The following SLC36A4 variants were observed in gnomAD, a reference collection of about 807,000 sequenced individuals.
SLC36A4 encodes solute carrier family 36 member 4, also known as neutral amino acid uniporter 4.
SLC36A4 carries 49 observed loss-of-function variants against 50.5 expected under a neutral mutation model. The observed-to-expected ratio is 0.97, with a 90% confidence interval of 0.77 to 1.23. The LOEUF (loss-of-function observed/expected upper bound fraction) is 1.23, where lower values mean the gene tolerates loss of function less well. Among genes scored for constraint, SLC36A4 ranks in the 50% most tolerant of loss-of-function variants. The pLI, the probability that SLC36A4 is intolerant of heterozygous loss-of-function variation, is 0.00. For synonymous variants in SLC36A4, 207 were observed against 206.5 expected, an observed-to-expected ratio of 1.00 and a Z score of -0.02; for missense variants, 611 against 608.4, an observed-to-expected ratio of 1.00 and a Z score of -0.05.
rs1590923154 is a variant in SLC36A4, at chr11:93,148,193, T to A, written c.*344A>T. The A allele has an allele frequency of 5.2e-6, 1 of 192,780 alleles. No homozygotes were observed. The allele number at this position is 192,780 out of a possible 1,614,324, so 11.9% of individuals were successfully genotyped here. ...GTTGAAATCCTATTCTGTTCTCAAG[T>A]GAGTGGCAAAAGAGTAGCATAAAAG... On this transcript the variant is annotated 3_prime_UTR_variant, in exon 11 of 11. Transcript: ENST00000326402.
intron 7 of SLC36A4, 103 bp downstream of exon 7, chr11:93,167,841 T>C: frequency 1.5e-6 from 1 of 687,190 alleles, no homozygotes; most frequent in Non-Finnish European, 2.5e-6. Flanking sequence ...GTGCCACATA[T>C]GAAGTAGGGG....
intron 1 of SLC36A4, among the ~76,000 whole-genome samples, chr11:93,194,558 A>G (rs1320818306): frequency 6.6e-6 from 1 of 152,212 alleles, no homozygotes; most frequent in Non-Finnish European, 1.5e-5. Flanking sequence ...TGCTTTTTAC[A>G]TAAATACCCA....
intron 9 of SLC36A4, among the ~76,000 whole-genome samples, chr11:93,158,799 TGAA>T (rs1244726067): frequency 6.6e-6 from 1 of 152,072 alleles, no homozygotes; most frequent in Admixed American, 6.6e-5. Flanking sequence ...GTTTTAGAAA[TGAA>T]GAACATTGAA....
In SLC36A4 at chr11:93,185,689, A is replaced by G; in HGVS notation, c.179+2T>C. The G allele has an allele frequency of 6.3e-7, 1 of 1,582,170 alleles. No individual in the cohort carries two copies. ...AGGAGACTTATAAACCATAACACTT[A>G]CGAAATGCCCTCTTGATCATCAAGT... On this transcript the variant is annotated splice_donor_variant, in intron 2 of 10. Transcript: ENST00000326402. LOFTEE classifies it high-confidence loss of function.
At chr11:93,161,027 T>A (rs769520521) in intron 9 of SLC36A4, among the ~76,000 whole-genome samples, 1 of 150,618 alleles carries the variant, frequency 6.6e-6, no homozygotes, top group African/African-American at 2.4e-5. Context: ...CTGTGTAGAT[T>A]TGGAGTTTCA....
At chr11:93,175,346 T>C (rs1221943947) in intron 6 of SLC36A4, among the ~76,000 whole-genome samples, 1 of 151,180 alleles carries the variant, frequency 6.6e-6, no homozygotes, top group African/African-American at 2.4e-5. Context: ...CTTTTTTTCT[T>C]TATTAGTCTT....
intron 10 of SLC36A4, among the ~76,000 whole-genome samples, chr11:93,150,566 G>C (rs1209285994): frequency 6.6e-6 from 1 of 151,932 alleles, no homozygotes; most frequent in Non-Finnish European, 1.5e-5. Context: ...TACATCTATA[G>C]GGCTGAAGTG....
rs188525817 is a variant in SLC36A4 at position 93,174,803 on chromosome 11, T to C, written c.540+5994A>G. On this transcript the variant is annotated intron_variant, in intron 6 of 10. Transcript: ENST00000326402. The stretch of plus-strand genomic sequence containing the variant: ...TTGCATCCCAGGGTTGAAGCCCACT[T>C]GATCATGGTCGATAAGCTTTTTGAT... 7.2e-3 allele frequency among the ~76,000 whole-genome samples: 1,031 copies of C among 142,404 alleles called. 25 individuals carry two copies. The highest frequency in any genetic ancestry group is 0.026 in the African/African-American group (977 of 38,304). 93.4% of individuals were successfully genotyped at this position (142,404 alleles called of 152,430 possible). A position where few individuals can be genotyped will look rare whatever the true frequency, so the allele number is the denominator to read the frequency against.
chr11:93,194,018 A>G (rs1862321077), intron 1 of SLC36A4, among the ~76,000 whole-genome samples: 1 of 152,142 alleles, frequency 6.6e-6, no homozygotes, highest in Non-Finnish European at 1.5e-5. Context: ...TATGGTTGTG[A>G]GGTCTGAGTA....
intron 1 of SLC36A4, among the ~76,000 whole-genome samples, chr11:93,195,935 G>C (rs1010365688): frequency 2.0e-5 from 3 of 152,062 alleles, no homozygotes; most frequent in Admixed American, 6.5e-5. Flanking sequence ...GTTTTCCATA[G>C]CACTTTTCAC....
Position 93,148,672 on chromosome 11 carries a change from T to TAATAAGAAG in SLC36A4, c.1379_1380insCTTCTTATT (p.Gly460_Val461insPheLeuLeu). The TAATAAGAAG allele has an allele frequency of 6.2e-7, 1 of 1,612,834 alleles. No homozygotes were observed. Among genetic ancestry groups the TAATAAGAAG allele is most frequent in the Non-Finnish European group, 8.5e-7 (1 of 1,179,316 alleles). Reference sequence around the variant, plus strand: ...ATGTACCTAATAAGAAGCCAACAACTCCAGTGAATGCTATAGAAATATTTT... The same window carrying TAATAAGAAG: ...ATGTACCTAATAAGAAGCCAACAACTAATAAGAAGCCAGTGAATGCTATAGAAATATTTT... On this transcript the variant is annotated inframe_insertion, in exon 11 of 11. Coordinates refer to ENST00000326402, the MANE Select transcript of SLC36A4 (RefSeq NM_152313.4).
At chr11:93,160,941 A>G (rs2134645137) in intron 9 of SLC36A4, 1 of 197,800 alleles carries the variant, frequency 5.1e-6, no homozygotes, top group South Asian at 1.8e-4. Flanking sequence ...CCCAGGCTCA[A>G]GTGATCCTCC....
intron 7 of SLC36A4, 156 bp from the exon 8 acceptor site, chr11:93,166,172 T>A: frequency 7.6e-7 from 1 of 1,318,572 alleles, no homozygotes; most frequent in South Asian, 2.0e-5. Flanking sequence ...GCATCCTCTG[T>A]TAAATGTAGC....
chr11:93,191,005 G>C (rs1565240931), intron 1 of SLC36A4, among the ~76,000 whole-genome samples: 1 of 152,172 alleles, frequency 6.6e-6, no homozygotes. Flanking sequence ...ATATAAAACA[G>C]CTCTTAAATC....
chr11:93,164,293 T>A (rs1860765196), intron 8 of SLC36A4, among the ~76,000 whole-genome samples: 1 of 152,182 alleles, frequency 6.6e-6, no homozygotes, highest in African/African-American at 2.4e-5. Flanking sequence ...TAATTTTTAT[T>A]TTATTGAAAA....
Position 93,146,876 on chromosome 11 carries a change from T to C in SLC36A4, c.*1661A>G. 1 of 152,112 alleles carries C rather than the reference T, an allele frequency of 6.6e-6. No homozygotes were observed. The highest frequency in any genetic ancestry group is 1.5e-5 in the Non-Finnish European group (1 of 67,992). The allele number at this position is 152,112 out of a possible 1,614,324, so 9.4% of individuals were successfully genotyped here. On this transcript the variant is annotated 3_prime_UTR_variant, in exon 11 of 11. Coordinates refer to ENST00000326402, the MANE Select transcript of SLC36A4 (RefSeq NM_152313.4). ...AAAAATATGGAATAATTAGAAGTTA[T>C]TTGTCTGAAAGAAGCCTGGAGTGTC...
rs1463183937 is a variant in SLC36A4 at position 93,181,658 on chromosome 11, C to T, written c.455+33G>A. On this transcript the variant is annotated intron_variant, in intron 5 of 10. Transcript: ENST00000326402. ...ATACTTAAAATTAACATAATTTTAA[C>T]AATCATATATTAATAACAGAGTAAG... is the stretch of plus-strand genomic sequence containing the variant. The T allele has an allele frequency of 3.6e-6, 5 of 1,392,690 alleles. No individual in the cohort carries two copies. In the Admixed American group the frequency reaches 1.3e-4, roughly 36 times the overall value. 86.3% of individuals were successfully genotyped at this position (1,392,690 alleles called of 1,614,324 possible). A position where few individuals can be genotyped will look rare whatever the true frequency, so the allele number is the denominator to read the frequency against.
rs1163658054 is a variant in SLC36A4 at position 93,144,429 on chromosome 11, G to T, written c.*4108C>A. On this transcript the variant is annotated 3_prime_UTR_variant, in exon 11 of 11. Transcript: ENST00000326402. ...TATTTTTAGTGTTCTTTTCAAAACAGCATCTTTCTGGACCCAATTTAAATA... is the reference window on the plus strand; with the variant it reads ...TATTTTTAGTGTTCTTTTCAAAACATCATCTTTCTGGACCCAATTTAAATA... 1 of 151,962 alleles carries T rather than the reference G, an allele frequency of 6.6e-6. No homozygotes were observed. The highest frequency in any genetic ancestry group is 1.5e-5 in the Non-Finnish European group (1 of 67,950). The allele number at this position is 151,962 out of a possible 1,614,324, so 9.4% of individuals were successfully genotyped here.
intron 2 of SLC36A4, among the ~76,000 whole-genome samples, chr11:93,184,786 A>G (rs1263476392): frequency 1.3e-5 from 2 of 152,206 alleles, no homozygotes; most frequent in Non-Finnish European, 2.9e-5. Flanking sequence ...ATTAAATTAA[A>G]AAAGACTAAA....
Sources: gnomAD v4.1 joint callset for allele counts (sites outside exome capture counted in the v4.1 genomes callset) on GRCh38, gnomAD v4.1.1 for gene constraint, MANE v1.5 for transcripts, NCBI Gene and HGNC (gene_info 2026-07-23, HGNC 2026-07-21) for gene names.